RASSF3: variants seen among roughly 807,000 people sequenced by gnomAD.
RASSF3 encodes ras association domain-containing protein 3.
In RASSF3, 19 loss-of-function variants were observed where a neutral mutation model predicts 19.9. That is an observed-to-expected ratio of 0.96 (90% CI 0.67 to 1.40). RASSF3 has a LOEUF of 1.40. RASSF3 is among the 40% of genes most tolerant of loss of function. RASSF3 has a pLI of 0.00. For missense variants in RASSF3, 306 were observed against 289.8 expected (o/e 1.06, Z -0.41); for synonymous variants, 110 against 104.2 (o/e 1.06, Z -0.34).
chr12:64,584,729 G>T (rs1392907313), intron 2 of RASSF3, among the ~76,000 whole-genome samples: 1 of 151,972 alleles, frequency 6.6e-6, no homozygotes, highest in Non-Finnish European at 1.5e-5. Flanking sequence ...TTAGGGAGAG[G>T]CCTCACAGAG....
At chr12:64,613,056 C>T (rs73319637) in intron 1 of RASSF3, among the ~76,000 whole-genome samples, 2,673 of 152,146 alleles carry the variant, frequency 0.018, 86 homozygotes, top group African/African-American at 0.061. Context: ...TTCTAAACTA[C>T]GAATTTTAGT....
intron 1 of RASSF3, among the ~76,000 whole-genome samples, chr12:64,644,787 A>G (rs1871673398): frequency 6.6e-6 from 1 of 152,198 alleles, no homozygotes; most frequent in Non-Finnish European, 1.5e-5. Flanking sequence ...CCTCAGATAC[A>G]TATGCCATGT....
chr12:64,603,903 A>G (rs1056668865), intron 2 of RASSF3, among the ~76,000 whole-genome samples: 3 of 151,830 alleles, frequency 2.0e-5, no homozygotes, highest in African/African-American at 7.3e-5. Context: ...GCTGGAGTGC[A>G]GTGGCACGAT....
chr12:64,539,505 G>A (rs1019290596), intron 1 of RASSF3, among the ~76,000 whole-genome samples: 5 of 152,024 alleles, frequency 3.3e-5, no homozygotes, highest in Admixed American at 6.6e-5. Context: ...GCCTGGGTGC[G>A]GTGGCTTATA....
intron 2 of RASSF3, among the ~76,000 whole-genome samples, chr12:64,565,166 A>AG (rs1252795977): frequency 6.7e-6 from 1 of 148,512 alleles, no homozygotes; most frequent in East Asian, 2.0e-4. Context: ...CTTGAGAATC[A>AG]GAAAAAAAAA....
intron 1 of RASSF3, among the ~76,000 whole-genome samples, chr12:64,614,266 T>A (rs1278214829): frequency 6.6e-6 from 1 of 151,872 alleles, no homozygotes; most frequent in Non-Finnish European, 1.5e-5. Flanking sequence ...CCCGAGTAGC[T>A]GGGATCACAG....
intron 2 of RASSF3, among the ~76,000 whole-genome samples, chr12:64,600,360 CT>C (rs749354977): frequency 3.9e-5 from 6 of 152,118 alleles, no homozygotes; most frequent in Non-Finnish European, 5.9e-5. Context: ...TTTGTCCCCC[CT>C]GTGGGCTTTC....
At chr12:64,671,286 C>A (rs191549682) in intron 1 of RASSF3, among the ~76,000 whole-genome samples, 2 of 152,130 alleles carry the variant, frequency 1.3e-5, no homozygotes, top group South Asian at 2.1e-4. Context: ...GAAGACTGAT[C>A]GGGGCTGGTC....
rs527640122 is a variant in RASSF3, at chr12:64,591,906, G to GTT, written c.294+50213_294+50214dup. 6.4e-3 allele frequency among the ~76,000 whole-genome samples: 917 copies of GTT among 142,950 alleles called. 5 individuals carry two copies. The highest frequency in any genetic ancestry group is 0.022 in the African/African-American group (887 of 39,612). The allele number at this position is 142,950 out of a possible 152,430, so 93.8% of individuals were successfully genotyped here. On this transcript the variant is annotated intron_variant, in intron 2 of 5. Transcript: ENST00000637125. ...AATTTTTATTATTCCTTCGGTTGCT[G>GTT]TTTTTTTTTTTTTGAGACAGGGTTT...
chr12:64,692,757 A>G (rs544103609), intron 4 of RASSF3, among the ~76,000 whole-genome samples: 1 of 152,300 alleles, frequency 6.6e-6, no homozygotes, highest in African/African-American at 2.4e-5. Context: ...TTTAATTATA[A>G]TTAGAGATAG....
At chr12:64,668,833 C>T (rs1872607876) in intron 1 of RASSF3, among the ~76,000 whole-genome samples, 1 of 151,852 alleles carries the variant, frequency 6.6e-6, no homozygotes, top group African/African-American at 2.4e-5. Flanking sequence ...AGGCGCCTGC[C>T]ACCGCACCCA....
At chr12:64,531,268 GAT>G (rs1471344268), upstream of RASSF3, among the ~76,000 whole-genome samples, 15 of 152,164 alleles carry the variant, frequency 9.9e-5, no homozygotes, top group Non-Finnish European at 1.5e-4. Context: ...ATGCAAAAAA[GAT>G]ATGAATATCT....
intron 1 of RASSF3, among the ~76,000 whole-genome samples, chr12:64,536,267 C>T (rs1241000711): frequency 6.6e-6 from 1 of 152,000 alleles, no homozygotes; most frequent in Non-Finnish European, 1.5e-5. Context: ...GCCTCGGCCT[C>T]CCAAAGTGCT....
chr12:64,654,642 G>A (rs1468438915), intron 1 of RASSF3: 2 of 22,990 alleles, frequency 8.7e-5, no homozygotes, highest in Non-Finnish European at 1.8e-4. Flanking sequence ...GTGTTTCTTT[G>A]CGGGGGGGGG....
rs56210002 is a variant in RASSF3, at chr12:64,656,284, A to T, written c.112-28503A>T. ...GTCAGCTAGATTATAAAGCTTAAAA[A>T]CATATTATTGGGCAGGAGTGGGCTA... On this transcript the variant is annotated intron_variant, in intron 1 of 4. Transcript: ENST00000542104. Among the ~76,000 whole-genome samples, 1,065 of 152,220 alleles carry T rather than the reference A, an allele frequency of 7.0e-3. 15 individuals carry two copies. Among genetic ancestry groups the T allele is most frequent in the African/African-American group, 0.025 (1,027 of 41,522 alleles).
At chr12:64,543,841 G>T (rs1869000606), downstream of RASSF3, among the ~76,000 whole-genome samples, 1 of 151,834 alleles carries the variant, frequency 6.6e-6, no homozygotes, top group Non-Finnish European at 1.5e-5. Flanking sequence ...TCTAGCTCAG[G>T]CTTTGTAAAT....
chr12:64,601,973 C>T (rs1236728211), intron 2 of RASSF3, among the ~76,000 whole-genome samples: 2 of 151,364 alleles, frequency 1.3e-5, no homozygotes, highest in African/African-American at 2.4e-5. Context: ...AAAAATTAGC[C>T]GGGCGTGGTG....
At chr12:64,602,362 T>C (rs1870107770) in intron 2 of RASSF3, among the ~76,000 whole-genome samples, 1 of 150,002 alleles carries the variant, frequency 6.7e-6, no homozygotes, top group Non-Finnish European at 1.5e-5. Context: ...GGGTGAATCA[T>C]GAGGTCAGGA....
At chr12:64,668,949 G>A (rs560707654) in intron 1 of RASSF3, among the ~76,000 whole-genome samples, 2 of 152,106 alleles carry the variant, frequency 1.3e-5, no homozygotes, top group Non-Finnish European at 2.9e-5. Context: ...GATTACAGGT[G>A]TGAGCTACCG....
Sources: gnomAD v4.1 joint callset for allele counts (sites outside exome capture counted in the v4.1 genomes callset) on GRCh38, gnomAD v4.1.1 for gene constraint, MANE v1.5 for transcripts, NCBI Gene and HGNC (gene_info 2026-07-23, HGNC 2026-07-21) for gene names.